The following RPE65 variants were observed in gnomAD, a reference collection of about 807,000 sequenced individuals.
RPE65 encodes the protein retinoid isomerohydrolase RPE65.
RPE65 carries 58 observed loss-of-function variants against 68.5 expected under a neutral mutation model. The observed-to-expected ratio is 0.85, with a 90% CI of 0.69 to 1.05. The LOEUF (loss-of-function observed/expected upper bound fraction) is 1.05. Among genes scored for constraint, RPE65 ranks in the 50% least tolerant of loss-of-function variants. The pLI is 0.00. For missense variants in RPE65, 643 were observed against 629.9 expected, an observed-to-expected ratio of 1.02 and a Z score of -0.22; for synonymous variants, 220 against 222.2, an observed-to-expected ratio of 0.99 and a Z score of 0.09.
intron 13 of RPE65, among the ~76,000 whole-genome samples, 179 bp downstream of exon 13, chr1:68,430,886 C>T (rs573105146): frequency 3.3e-5 from 5 of 152,188 alleles, no homozygotes; most frequent in Admixed American, 6.5e-5. Context: ...ATCAACAAGA[C>T]CTGATCAAAA....
intron 1 of RPE65, 108 bp downstream of exon 1, chr1:68,449,787 T>A (rs903510105): frequency 7.4e-7 from 1 of 1,349,720 alleles, no homozygotes; most frequent in African/African-American, 1.4e-5. Context: ...TCAAGGGTCT[T>A]TCCTAAACAG....
intron 11 of RPE65, 46 bp downstream of exon 11, chr1:68,431,425 A>C (rs762775279): frequency 1.1e-5 from 17 of 1,612,568 alleles, no homozygotes; most frequent in Non-Finnish European, 1.4e-5. Flanking sequence ...TCTTTGAAAG[A>C]AACATTTGTT....
chr1:68,449,914 A>G lies in RPE65; in HGVS notation c.-9T>C, dbSNP rs1158237784. 19 of 1,614,078 alleles carry G rather than the reference A, an allele frequency of 1.2e-5. No homozygotes were observed. Among genetic ancestry groups the G allele is most frequent in the Non-Finnish European group, 1.6e-5 (19 of 1,180,026 alleles). ...ACTTACTGGATAGACATTTTCTTCC[A>G]GTTCAGGATCCAGAGTTCTGGCACC... On this transcript the variant is annotated 5_prime_UTR_variant, in exon 1 of 14. Coordinates refer to ENST00000262340, the MANE Select transcript of RPE65 (RefSeq NM_000329.3).
At chr1:68,446,303 A>G (rs974528450) in intron 3 of RPE65, among the ~76,000 whole-genome samples, 2 of 151,310 alleles carry the variant, frequency 1.3e-5, no homozygotes, top group African/African-American at 4.9e-5. Flanking sequence ...GCATCACAAT[A>G]GCTATTATTA....
At position 68,449,927 on chromosome 1, in the gene RPE65, G is replaced by C; in HGVS notation, c.-22C>G. On this transcript the variant is annotated 5_prime_UTR_variant, in exon 1 of 14. Coordinates refer to ENST00000262340, the MANE Select transcript of RPE65 (RefSeq NM_000329.3). ...ACATTTTCTTCCAGTTCAGGATCCA[G>C]AGTTCTGGCACCAACTGCAGAATGA... The C allele has an allele frequency of 6.2e-7, 1 of 1,614,110 alleles. No individual in the cohort carries two copies. Among genetic ancestry groups the C allele is most frequent in the Non-Finnish European group, 8.5e-7 (1 of 1,179,978 alleles).
intron 13 of RPE65, 102 bp from the exon 14 acceptor site, chr1:68,430,029 T>C (rs997740423): frequency 3.5e-6 from 5 of 1,441,078 alleles, no homozygotes; most frequent in East Asian, 2.4e-5. Context: ...TTGACAAATA[T>C]AGAAAACCAT....
rs1645824155 is a variant in RPE65 at position 68,431,286 on chromosome 1, T to C, written c.1334A>G (p.Asp445Gly). ...TTAGTAAGAAGGATTAATTACCCTA[T>C]CTGGAACAAAGTGATTCAAGCCAAG... ...YGLGLNHFVP[D>G]RLCKLNVKTK... is the part of the protein sequence containing the mutation. The change falls in exon 12 of 14, where the codon GAT (aspartate) becomes GGT (glycine). Residue 445 changes from aspartate to glycine, a missense_variant. Coordinates refer to ENST00000262340, the MANE Select transcript of RPE65 (RefSeq NM_000329.3). 6.2e-6 allele frequency: 10 copies of C among 1,613,620 alleles called. No homozygotes were observed. The highest frequency in any genetic ancestry group is 2.7e-5 in the African/African-American group (2 of 74,908).
intron 10 of RPE65, among the ~76,000 whole-genome samples, chr1:68,432,677 A>AGGAC (rs1426382422): frequency 2.0e-5 from 3 of 152,168 alleles, no homozygotes; most frequent in African/African-American, 7.2e-5. Flanking sequence ...GGTCATTATG[A>AGGAC]GGACTTGATC....
chr1:68,446,669 C>T, intron 3 of RPE65, 41 bp downstream of exon 3: 2 of 1,613,688 alleles, frequency 1.2e-6, no homozygotes, highest in Admixed American at 1.7e-5. Context: ...CAAGCTAGGC[C>T]CTACTTTGAG....
chr1:68,434,111 T>TAC (rs577714877), intron 10 of RPE65, among the ~76,000 whole-genome samples: 4,133 of 142,440 alleles, frequency 0.029, 90 homozygotes, highest in South Asian at 0.093. Context: ...TATATATATA[T>TAC]ATATACACAC....
At chr1:68,440,033 G>T (rs1036081023) in intron 6 of RPE65, among the ~76,000 whole-genome samples, 1 of 152,156 alleles carries the variant, frequency 6.6e-6, no homozygotes, top group African/African-American at 2.4e-5. Context: ...CAATAGCCCT[G>T]TACAGTAATT....
chr1:68,449,933 T>A lies in RPE65; in HGVS notation c.-28A>T. 6.2e-7 allele frequency: 1 copy of A among 1,614,050 alleles called. No homozygotes were observed. The highest frequency in any genetic ancestry group is 8.5e-7 in the Non-Finnish European group (1 of 1,179,896). On this transcript the variant is annotated 5_prime_UTR_variant, in exon 1 of 14. Coordinates refer to ENST00000262340, the MANE Select transcript of RPE65 (RefSeq NM_000329.3). ...TCTTCCAGTTCAGGATCCAGAGTTC[T>A]GGCACCAACTGCAGAATGAAGAAGG...
intron 5 of RPE65, 108 bp from the exon 6 acceptor site, chr1:68,441,108 A>C: frequency 1.5e-6 from 2 of 1,306,736 alleles, no homozygotes; most frequent in East Asian, 2.5e-5. Context: ...TCCTAAGTGC[A>C]CTTCTCTTTC....
At chr1:68,448,145 G>T (rs960188460) in intron 2 of RPE65, among the ~76,000 whole-genome samples, 1 of 152,208 alleles carries the variant, frequency 6.6e-6, no homozygotes, top group African/African-American at 2.4e-5. Flanking sequence ...TTGAGGCTCA[G>T]AACGTTTAAG....
chr1:68,445,062 T>C (rs1446741003), intron 3 of RPE65, among the ~76,000 whole-genome samples, 179 bp from the exon 4 acceptor site: 1 of 152,132 alleles, frequency 6.6e-6, no homozygotes, highest in East Asian at 1.9e-4. Flanking sequence ...GCAGACACAA[T>C]GTCCCTTGAG....
intron 6 of RPE65, among the ~76,000 whole-genome samples, 160 bp from the exon 7 acceptor site, chr1:68,439,802 A>C (rs1645887526): frequency 6.6e-6 from 1 of 152,118 alleles, no homozygotes; most frequent in African/African-American, 2.4e-5. Flanking sequence ...GTGAAATTTC[A>C]TGTGAAGCTG....
chr1:68,440,441 C>T (rs533723678), intron 6 of RPE65, among the ~76,000 whole-genome samples: 39 of 152,172 alleles, frequency 2.6e-4, no homozygotes, highest in Non-Finnish European at 4.3e-4. Flanking sequence ...GGGAATTAAG[C>T]GCAACATATT....
At chr1:68,443,999 C>T (rs1163277400) in intron 5 of RPE65, among the ~76,000 whole-genome samples, 1 of 152,142 alleles carries the variant, frequency 6.6e-6, no homozygotes, top group Non-Finnish European at 1.5e-5. Context: ...CCATAAATAG[C>T]ATGATTTTCA....
At chr1:68,433,006 G>A (rs1001171788) in intron 10 of RPE65, among the ~76,000 whole-genome samples, 3 of 152,138 alleles carry the variant, frequency 2.0e-5, no homozygotes, top group African/African-American at 7.2e-5. Context: ...CCTGTACAAT[G>A]TTGATGTCAC....
Sources: gnomAD v4.1 joint callset for allele counts (sites outside exome capture counted in the v4.1 genomes callset) on GRCh38, gnomAD v4.1.1 for gene constraint, MANE v1.5 for transcripts, NCBI Gene and HGNC (gene_info 2026-07-23, HGNC 2026-07-21) for gene names.